The following LCORL variants were observed in gnomAD, a reference collection of about 807,000 sequenced individuals.
LCORL encodes ligand-dependent nuclear receptor corepressor-like protein.
A neutral mutation model predicts 141.8 loss-of-function variants in LCORL; 41 were observed. That is an observed-to-expected ratio of 0.29 (90% CI 0.23 to 0.38). The LOEUF is 0.38. Ranked by LOEUF, LCORL falls within the 10% of genes least tolerant of loss-of-function variation. The probability of loss-of-function intolerance (pLI) is 1.00; values close to 1 mark genes in which losing one functional copy is unlikely to be tolerated. For missense variants in LCORL, 1,759 were observed against 2,035.0 expected, an observed-to-expected ratio of 0.86 and a Z score of 2.61; for synonymous variants, 618 against 694.1, an observed-to-expected ratio of 0.89 and a Z score of 1.72.
chr4:17,892,398 G>A (rs548822841), intron 5 of LCORL, among the ~76,000 whole-genome samples: 81 of 151,732 alleles, frequency 5.3e-4, no homozygotes, highest in Non-Finnish European at 1.0e-3. Flanking sequence ...TAGTAGAGAC[G>A]GGGTTTCACC....
At chr4:18,011,310 G>T (rs552482530) in intron 1 of LCORL, among the ~76,000 whole-genome samples, 1 of 151,926 alleles carries the variant, frequency 6.6e-6, no homozygotes, top group African/African-American at 2.4e-5. Flanking sequence ...ATTTAAAAGG[G>T]CTGCTTTAAT....
At chr4:17,898,515 C>T (rs555789010) in intron 5 of LCORL, among the ~76,000 whole-genome samples, 70 of 152,246 alleles carry the variant, frequency 4.6e-4, no homozygotes, top group Non-Finnish European at 8.8e-4. Context: ...TAACCACATT[C>T]ATTGTCGTTA....
chr4:18,016,956 T>C (rs1724735410), intron 1 of LCORL, among the ~76,000 whole-genome samples: 1 of 152,094 alleles, frequency 6.6e-6, no homozygotes, highest in Non-Finnish European at 1.5e-5. Flanking sequence ...TGCTTATATT[T>C]TGGTATCTAA....
At chr4:17,994,875 C>T (rs1720658899) in intron 1 of LCORL, among the ~76,000 whole-genome samples, 1 of 152,026 alleles carries the variant, frequency 6.6e-6, no homozygotes, top group South Asian at 2.1e-4. Context: ...TCCTGTCATC[C>T]TGCTGGCTAT....
rs1732141633 is a variant in LCORL at position 17,909,348 on chromosome 4, A to G, written c.431-3T>C. On this transcript the variant is annotated splice_polypyrimidine_tract_variant and splice_region_variant and intron_variant, in intron 4 of 7. Transcript: ENST00000635767. Reference sequence around the variant, plus strand: ...AGGATCACAGTTCTGAGGAAGATCTAGGGAAGAAATAAATATAATAATCAT... The same window carrying G: ...AGGATCACAGTTCTGAGGAAGATCTGGGGAAGAAATAAATATAATAATCAT... 1 of 1,567,610 alleles carries G rather than the reference A, an allele frequency of 6.4e-7. No homozygotes were observed. The highest frequency in any genetic ancestry group is 8.6e-7 in the Non-Finnish European group (1 of 1,156,954).
chr4:17,974,874 A>G (rs184177433), intron 1 of LCORL, among the ~76,000 whole-genome samples: 1 of 152,154 alleles, frequency 6.6e-6, no homozygotes, highest in African/African-American at 2.4e-5. Context: ...AAGTTGCTCA[A>G]AAGATTCTTT....
intron 7 of LCORL, among the ~76,000 whole-genome samples, chr4:17,871,250 A>G (rs1726302467): frequency 6.6e-6 from 1 of 151,952 alleles, no homozygotes; most frequent in Admixed American, 6.6e-5. Flanking sequence ...GACTAAAAAA[A>G]AAGAATGTTA....
At chr4:18,016,124 T>C (rs1724590338) in intron 1 of LCORL, among the ~76,000 whole-genome samples, 1 of 152,050 alleles carries the variant, frequency 6.6e-6, no homozygotes, top group African/African-American at 2.4e-5. Context: ...AGAAAGAATC[T>C]ATTGGCAAAA....
intron 7 of LCORL, among the ~76,000 whole-genome samples, chr4:17,872,589 C>T (rs944775095): frequency 6.6e-6 from 1 of 152,102 alleles, no homozygotes; most frequent in African/African-American, 2.4e-5. Flanking sequence ...GCACCAACAT[C>T]TGGTCAGTAT....
At chr4:17,960,984 CT>C (rs1713667739) in intron 4 of LCORL, among the ~76,000 whole-genome samples, 2 of 152,044 alleles carry the variant, frequency 1.3e-5, no homozygotes, top group South Asian at 4.1e-4. Flanking sequence ...AAACAAAAGA[CT>C]CTTGTATCAC....
intron 4 of LCORL, among the ~76,000 whole-genome samples, chr4:17,922,220 T>C (rs1201573381): frequency 6.6e-6 from 1 of 152,220 alleles, no homozygotes; most frequent in African/African-American, 2.4e-5. Flanking sequence ...GGAATAGAAC[T>C]TTAAAGATGG....
chr4:17,889,209 T>G (rs984976615), intron 5 of LCORL, among the ~76,000 whole-genome samples: 1 of 152,090 alleles, frequency 6.6e-6, no homozygotes, highest in Non-Finnish European at 1.5e-5. Context: ...TAAGCTCTAC[T>G]CCATCTTTCA....
At chr4:18,016,041 G>A (rs938152691) in intron 1 of LCORL, among the ~76,000 whole-genome samples, 2 of 151,896 alleles carry the variant, frequency 1.3e-5, no homozygotes, top group African/African-American at 4.8e-5. Context: ...CTAGAATACA[G>A]ACCATTCAAG....
chr4:17,998,345 T>C (rs146247045), intron 1 of LCORL, among the ~76,000 whole-genome samples: 1 of 152,290 alleles, frequency 6.6e-6, no homozygotes, highest in Non-Finnish European at 1.5e-5. Context: ...TTTTTTTACA[T>C]TATAAACTTT....
At chr4:17,919,067 A>G (rs543614830) in intron 4 of LCORL, among the ~76,000 whole-genome samples, 3 of 151,864 alleles carry the variant, frequency 2.0e-5, no homozygotes, top group Non-Finnish European at 2.9e-5. Context: ...GAAAGAAGAT[A>G]TATCACTACT....
intron 4 of LCORL, among the ~76,000 whole-genome samples, chr4:17,951,462 ATTATT>A (rs796971485): frequency 9.2e-5 from 14 of 152,322 alleles, no homozygotes; most frequent in African/African-American, 3.1e-4. Flanking sequence ...CAAAATTGTT[ATTATT>A]TTAATTCCTG....
chr4:17,862,674 C>CA lies in LCORL; in HGVS notation c.5602+10713dup, dbSNP rs530907479. Reference sequence around the variant, plus strand: ...GCTGGGATAACTGGCTAGCCATATACAGAAGATTGAAACTGCGCTCCTTCC... The same window carrying CA: ...GCTGGGATAACTGGCTAGCCATATACAAGAAGATTGAAACTGCGCTCCTTCC... On this transcript the variant is annotated intron_variant, in intron 7 of 7. Coordinates refer to ENST00000635767, the Ensembl canonical transcript of LCORL. Among the ~76,000 whole-genome samples, 15 of 152,274 alleles carry CA rather than the reference C, an allele frequency of 9.9e-5. No homozygotes were observed. In the South Asian group the frequency reaches 3.1e-3, roughly 32 times the overall value.
intron 6 of LCORL, 38 bp downstream of exon 6, chr4:17,886,030 A>T: frequency 9.4e-7 from 1 of 1,060,658 alleles, no homozygotes; most frequent in Non-Finnish European, 1.4e-6. Flanking sequence ...AGATAATTTT[A>T]TATTAATATT....
Position 17,875,943 on chromosome 4 carries a change from G to A in LCORL, c.3047C>T (p.Ser1016Phe), listed in dbSNP as rs1292366510. ...ATAATGACTGGAGTGATAATTTTCAGAGTTCGCATTTGAGATATCCTCATT... is the reference window on the plus strand; with the variant it reads ...ATAATGACTGGAGTGATAATTTTCAAAGTTCGCATTTGAGATATCCTCATT... Residue 1016 changes from serine (S) to phenylalanine (F), a missense_variant, in exon 7 of 8, where the codon TCT becomes TTT. Ser to Phe is a radical substitution (Grantham distance 155, BLOSUM62 -2). Transcript: ENST00000635767. 19 of 1,231,082 alleles carry A rather than the reference G, an allele frequency of 1.5e-5. No individual in the cohort carries two copies. The East Asian group carries it at 6.0e-4, about 39-fold the overall frequency. 76.3% of individuals were successfully genotyped at this position (1,231,082 alleles called of 1,614,324 possible). A position where few individuals can be genotyped will look rare whatever the true frequency, so the allele number is the denominator to read the frequency against.
Sources: allele counts gnomAD v4.1 joint callset (sites outside exome capture counted in the v4.1 genomes callset), GRCh38; gene constraint gnomAD v4.1.1; transcripts MANE v1.5; gene names NCBI Gene and HGNC (gene_info 2026-07-23, HGNC 2026-07-21).